The following BCKDHB variants were observed in gnomAD, a reference collection of about 807,000 sequenced individuals.
The protein encoded by BCKDHB is branched chain keto acid dehydrogenase E1 subunit beta.
A neutral mutation model predicts 48.5 loss-of-function variants in BCKDHB; 41 were observed. That is an observed-to-expected ratio of 0.85 (90% CI 0.66 to 1.10). The LOEUF (loss-of-function observed/expected upper bound fraction) is 1.10, where lower values mean the gene tolerates loss of function less well. Among genes scored for constraint, BCKDHB ranks in the 50% least tolerant of loss-of-function variants. BCKDHB has a pLI of 0.00. For synonymous variants in BCKDHB, 201 were observed against 174.8 expected (o/e 1.15, Z -1.18); for missense variants, 496 against 494.2 (o/e 1.00, Z -0.03).
the BCKDHB span, among the ~76,000 whole-genome samples, chr6:80,365,714 G>A: frequency 7.9e-5 from 12 of 151,972 alleles, no homozygotes; most frequent in African/African-American, 2.2e-4. Context: ...CTGAGGTGAC[G>A]TACATCCTCA....
chr6:80,460,451 T>C, the BCKDHB span, among the ~76,000 whole-genome samples: 2 of 152,158 alleles, frequency 1.3e-5, no homozygotes, highest in Non-Finnish European at 2.9e-5. Context: ...CTGTCTGGAA[T>C]ACCCCACCCT....
intron 3 of BCKDHB, among the ~76,000 whole-genome samples, chr6:80,153,612 T>C (rs1311640992): frequency 2.0e-5 from 3 of 152,198 alleles, no homozygotes; most frequent in African/African-American, 4.8e-5. Flanking sequence ...GTCCTGTTGG[T>C]TCTATAGTGT....
chr6:80,424,562 T>G, the BCKDHB span, among the ~76,000 whole-genome samples: 31 of 152,190 alleles, frequency 2.0e-4, no homozygotes, highest in Non-Finnish European at 3.4e-4. Flanking sequence ...AATCTAAGTT[T>G]ATGTTTCATG....
the BCKDHB span, among the ~76,000 whole-genome samples, chr6:80,464,162 C>G: frequency 6.6e-6 from 1 of 152,078 alleles, no homozygotes; most frequent in Non-Finnish European, 1.5e-5. Flanking sequence ...GAGTCTCACT[C>G]TGTCACCCAG....
the BCKDHB span, among the ~76,000 whole-genome samples, chr6:80,367,038 G>A: frequency 1.3e-5 from 2 of 152,112 alleles, no homozygotes; most frequent in African/African-American, 4.8e-5. Context: ...CTTATCCTGT[G>A]ACTTTCATGA....
intron 8 of BCKDHB, among the ~76,000 whole-genome samples, chr6:80,232,128 G>T (rs1050030333): frequency 6.6e-6 from 1 of 152,084 alleles, no homozygotes; most frequent in Non-Finnish European, 1.5e-5. Context: ...GAGAATTAAA[G>T]TATAGGGATA....
At chr6:80,176,139 T>C (rs1014204972) in intron 6 of BCKDHB, among the ~76,000 whole-genome samples, 1 of 152,124 alleles carries the variant, frequency 6.6e-6, no homozygotes, top group Non-Finnish European at 1.5e-5. Flanking sequence ...TTTTTTTAGA[T>C]TATATGAAAT....
chr6:80,269,544 G>A (rs1451511684), intron 8 of BCKDHB, among the ~76,000 whole-genome samples: 1 of 151,898 alleles, frequency 6.6e-6, no homozygotes, highest in Non-Finnish European at 1.5e-5. Flanking sequence ...TAACTCATTG[G>A]TGCTCCATCT....
chr6:80,374,388 C>T, the BCKDHB span: 6 of 799,468 alleles, frequency 7.5e-6, no homozygotes, highest in Admixed American at 1.7e-5. Flanking sequence ...ATTGTAACGT[C>T]GGAATGGTAC....
chr6:80,320,149 GT>G (rs1449715190), intron 9 of BCKDHB, among the ~76,000 whole-genome samples: 1 of 152,058 alleles, frequency 6.6e-6, no homozygotes, highest in Non-Finnish European at 1.5e-5. Flanking sequence ...TTAAATTTTA[GT>G]TTTATTAGTT....
the BCKDHB span, among the ~76,000 whole-genome samples, chr6:80,390,276 T>C: frequency 1.4e-3 from 211 of 151,908 alleles, no homozygotes; most frequent in African/African-American, 5.0e-3. Context: ...CAGGCAGGAC[T>C]ACAAATGGCC....
Position 80,106,813 on chromosome 6 carries a change from G to A in BCKDHB, c.120G>A (p.Ala40=), listed in dbSNP as rs2127699065. The part of the protein sequence containing the change: ...GLARGFLHPA[A]TVEDAAQRRQ... ...CGCGGGGCTTTTTGCACCCCGCCGC[G>A]ACTGTCGAGGATGCGGCCCAGAGGC... Residue 40 remains alanine, a synonymous_variant, in exon 1 of 10, where the codon GCG becomes GCA. Coordinates refer to ENST00000320393, the MANE Select transcript of BCKDHB (RefSeq NM_183050.4). 7.5e-6 allele frequency: 12 copies of A among 1,608,258 alleles called. No homozygotes were observed. The highest frequency in any genetic ancestry group is 1.0e-5 in the Non-Finnish European group (12 of 1,178,034).
At chr6:80,140,447 C>A (rs375531694) in intron 3 of BCKDHB, among the ~76,000 whole-genome samples, 77 of 150,716 alleles carry the variant, frequency 5.1e-4, no homozygotes, top group African/African-American at 9.0e-4. Flanking sequence ...GGTTTGTCAT[C>A]GATAGCTCTT....
At chr6:80,327,065 ATTGT>A (rs1489183265) in intron 9 of BCKDHB, among the ~76,000 whole-genome samples, 1 of 152,162 alleles carries the variant, frequency 6.6e-6, no homozygotes, top group Non-Finnish European at 1.5e-5. Flanking sequence ...TTAAAAAAAA[ATTGT>A]TTAAGTTTGA....
chr6:80,455,740 C>A, the BCKDHB span, among the ~76,000 whole-genome samples: 1 of 151,944 alleles, frequency 6.6e-6, no homozygotes, highest in Non-Finnish European at 1.5e-5. Context: ...TCTTAAAATC[C>A]TTAATGTTTT....
At chr6:80,386,527 T>C in the BCKDHB span, among the ~76,000 whole-genome samples, 1 of 152,194 alleles carries the variant, frequency 6.6e-6, no homozygotes, top group East Asian at 1.9e-4. Flanking sequence ...TCTCTGGATG[T>C]CAGATCTAAT....
At chr6:80,228,903 A>G (rs1775794841) in intron 8 of BCKDHB, among the ~76,000 whole-genome samples, 1 of 152,160 alleles carries the variant, frequency 6.6e-6, no homozygotes, top group Non-Finnish European at 1.5e-5. Context: ...CTGGACTTCC[A>G]ACCTTCCAGG....
chr6:80,163,497 G>T (rs1022091029), intron 3 of BCKDHB, among the ~76,000 whole-genome samples: 3 of 151,910 alleles, frequency 2.0e-5, no homozygotes, highest in Non-Finnish European at 2.9e-5. Context: ...CCAAACTCTG[G>T]CTTGTTTTCC....
At chr6:80,397,118 C>G in the BCKDHB span, among the ~76,000 whole-genome samples, 1 of 152,058 alleles carries the variant, frequency 6.6e-6, no homozygotes, top group Non-Finnish European at 1.5e-5. Flanking sequence ...TATAATTTAC[C>G]TGAGTTTTTT....
Sources: gnomAD v4.1 joint callset for allele counts (sites outside exome capture counted in the v4.1 genomes callset) on GRCh38, gnomAD v4.1.1 for gene constraint, MANE v1.5 for transcripts, NCBI Gene and HGNC (gene_info 2026-07-23, HGNC 2026-07-21) for gene names.